Variants in GRM7 observed in about 807,000 individuals in gnomAD.
GRM7 encodes glutamate metabotropic receptor 7.
In GRM7, 35 loss-of-function variants were observed where a neutral mutation model predicts 84.5. That is an observed-to-expected ratio of 0.41 (90% CI 0.32 to 0.55). GRM7 has a LOEUF of 0.55. GRM7 is among the 20% of genes least tolerant of loss of function. GRM7 has a pLI of 0.19. For synonymous variants in GRM7, 487 were observed against 455.1 expected, an observed-to-expected ratio of 1.07 and a Z score of -0.89; for missense variants, 1,003 against 1,194.6, an observed-to-expected ratio of 0.84 and a Z score of 2.36.
chr3:7,354,116 G>A (rs1289686529), intron 4 of GRM7, among the ~76,000 whole-genome samples: 1 of 152,098 alleles, frequency 6.6e-6, no homozygotes, highest in African/African-American at 2.4e-5. Context: ...AAAGTCCTTT[G>A]TATAATACTA....
At chr3:7,099,276 T>C (rs61213808) in intron 1 of GRM7, among the ~76,000 whole-genome samples, 5,760 of 67,634 alleles carry the variant, frequency 0.085, 422 homozygotes, top group African/African-American at 0.27. Context: ...TATATATGAA[T>C]ACATGTATTA....
At chr3:7,504,091 A>T (rs1699966447) in intron 7 of GRM7, among the ~76,000 whole-genome samples, 1 of 152,220 alleles carries the variant, frequency 6.6e-6, no homozygotes, top group African/African-American at 2.4e-5. Context: ...CCTCAAATGT[A>T]TGAAAAAAAG....
intron 1 of GRM7, among the ~76,000 whole-genome samples, chr3:7,020,481 C>A (rs1397504548): frequency 1.3e-5 from 2 of 152,172 alleles, no homozygotes; most frequent in Non-Finnish European, 1.5e-5. Context: ...CTCAATTGTT[C>A]ATCAAACATT....
At chr3:7,203,482 A>G (rs1253993927) in intron 2 of GRM7, among the ~76,000 whole-genome samples, 3 of 151,952 alleles carry the variant, frequency 2.0e-5, no homozygotes, top group African/African-American at 2.4e-5. Context: ...TATTTTCTTT[A>G]TCTTTCACCC....
rs576247245 is a variant in GRM7, at chr3:6,973,190, TTTATTA to T, written c.519+111300_519+111305del. Among the ~76,000 whole-genome samples the T allele has an allele frequency of 2.6e-3, 395 of 151,864 alleles. 3 individuals are homozygous for T. The highest frequency in any genetic ancestry group is 9.0e-3 in the African/African-American group (375 of 41,450). On this transcript the variant is annotated intron_variant, in intron 1 of 9. Coordinates refer to ENST00000357716, the MANE Select transcript of GRM7 (RefSeq NM_000844.4). ...TGCTTTGAGATTTTATTATGATGGT[TTTATTA>T]TTATTATTATTATTATCAGCATCAT...
intron 1 of GRM7, among the ~76,000 whole-genome samples, chr3:6,993,791 T>G (rs1277752390): frequency 1.3e-5 from 2 of 152,154 alleles, no homozygotes; most frequent in Non-Finnish European, 2.9e-5. Flanking sequence ...GGATTACATA[T>G]AGAAGGAGAT....
intron 8 of GRM7, among the ~76,000 whole-genome samples, chr3:7,658,317 C>T (rs768403527): frequency 6.6e-6 from 1 of 152,152 alleles, no homozygotes; most frequent in Non-Finnish European, 1.5e-5. Context: ...ACAGAATGTT[C>T]TAAAAAGTCA....
chr3:7,608,333 T>G (rs62235194), intron 8 of GRM7, among the ~76,000 whole-genome samples: 16,801 of 152,190 alleles, frequency 0.11, 1,061 homozygotes, highest in Non-Finnish European at 0.14. Context: ...TAATTTACAC[T>G]CCCACCAACA....
chr3:7,636,500 A>G (rs565101959), intron 8 of GRM7: 1 of 303,268 alleles, frequency 3.3e-6, no homozygotes, highest in East Asian at 7.9e-5. Flanking sequence ...GGGTCAGGTA[A>G]TAAGGAGAGT....
chr3:7,029,130 C>G (rs1386558857), intron 1 of GRM7, among the ~76,000 whole-genome samples: 1 of 151,920 alleles, frequency 6.6e-6, no homozygotes, highest in Non-Finnish European at 1.5e-5. Context: ...ATGGTGAAAC[C>G]CTGTCTCAAC....
intron 7 of GRM7, among the ~76,000 whole-genome samples, chr3:7,473,622 C>A (rs1018758709): frequency 6.6e-6 from 1 of 151,962 alleles, no homozygotes; most frequent in African/African-American, 2.4e-5. Context: ...TAAGGCACTT[C>A]TTTCAATGAG....
chr3:7,719,748 C>A (rs1010591939), intron 9 of GRM7, among the ~76,000 whole-genome samples: 2 of 147,454 alleles, frequency 1.4e-5, no homozygotes, highest in Admixed American at 6.9e-5. Context: ...AGAGGCGGAG[C>A]TTGCAGTGAG....
intron 2 of GRM7, among the ~76,000 whole-genome samples, chr3:7,155,133 C>T (rs1047504603): frequency 6.6e-6 from 1 of 152,122 alleles, no homozygotes; most frequent in African/African-American, 2.4e-5. Context: ...ATACGTCCTC[C>T]ACTCATATCA....
intron 1 of GRM7, among the ~76,000 whole-genome samples, chr3:7,033,233 G>A (rs942657102): frequency 2.0e-5 from 3 of 151,770 alleles, no homozygotes; most frequent in Admixed American, 6.6e-5. Context: ...TGAGTTTAAG[G>A]TCCACCTTAA....
chr3:7,312,997 C>T (rs1264072130), intron 4 of GRM7, among the ~76,000 whole-genome samples: 2 of 148,270 alleles, frequency 1.3e-5, no homozygotes, highest in African/African-American at 5.0e-5. Flanking sequence ...GATGTGATCT[C>T]GGCTCACTGC....
chr3:7,597,109 G>A (rs1271441437), intron 8 of GRM7, among the ~76,000 whole-genome samples: 2 of 152,110 alleles, frequency 1.3e-5, no homozygotes, highest in Admixed American at 1.3e-4. Flanking sequence ...TCATGGTTCT[G>A]TAGGCTTTCC....
chr3:7,205,824 C>T (rs760917186), intron 2 of GRM7, among the ~76,000 whole-genome samples: 18 of 152,252 alleles, frequency 1.2e-4, no homozygotes, highest in Non-Finnish European at 1.9e-4. Context: ...ATATGCTAAT[C>T]GTAACCACAT....
chr3:7,097,836 C>A (rs1184290368), intron 1 of GRM7, among the ~76,000 whole-genome samples: 3 of 152,090 alleles, frequency 2.0e-5, no homozygotes, highest in Non-Finnish European at 4.4e-5. Context: ...CTAATTGGAA[C>A]TTTTCCTCTT....
At chr3:7,496,781 A>C (rs1215843798) in intron 7 of GRM7, among the ~76,000 whole-genome samples, 4 of 151,898 alleles carry the variant, frequency 2.6e-5, no homozygotes, top group Non-Finnish European at 5.9e-5. Flanking sequence ...TTATAGATAT[A>C]AAAATATATA....
Sources: gnomAD v4.1 joint callset for allele counts (sites outside exome capture counted in the v4.1 genomes callset) on GRCh38, gnomAD v4.1.1 for gene constraint, MANE v1.5 for transcripts, NCBI Gene and HGNC (gene_info 2026-07-23, HGNC 2026-07-21) for gene names.